UTRN: variants seen among roughly 807,000 people sequenced by gnomAD.
The protein encoded by UTRN is utrophin, also known as dystrophin-related protein 1.
In UTRN, 283 loss-of-function variants were observed where a neutral mutation model predicts 463.9. The ratio of observed to expected loss-of-function variants is 0.61; its 90% CI spans 0.55 to 0.67. The LOEUF is 0.67. Among genes scored for constraint, UTRN ranks in the 30% least tolerant of loss-of-function variants. The pLI is 0.00. For missense variants in UTRN, 3,922 were observed against 4,084.3 expected (o/e 0.96, Z 1.08); for synonymous variants, 1,442 against 1,431.5 (o/e 1.01, Z -0.17).
intron 69 of UTRN, among the ~76,000 whole-genome samples, chr6:144,834,741 C>T (rs1459798916): frequency 1.3e-5 from 2 of 152,208 alleles, no homozygotes; most frequent in East Asian, 3.9e-4. Flanking sequence ...TGCTGTCTGA[C>T]TCCAGAGTAA....
At chr6:144,751,716 G>T in intron 55 of UTRN, 90 bp from the exon 56 acceptor site, 1 of 1,268,758 alleles carries the variant, frequency 7.9e-7, no homozygotes, top group Non-Finnish European at 1.1e-6. Flanking sequence ...GTGAACCCAT[G>T]CAGTTCAGAC....
At chr6:144,317,329 G>C (rs1398020121) in intron 2 of UTRN, among the ~76,000 whole-genome samples, 1 of 152,148 alleles carries the variant, frequency 6.6e-6, no homozygotes, top group African/African-American at 2.4e-5. Flanking sequence ...AAAAAAGAGA[G>C]ATTGCAGGAA....
chr6:144,409,681 A>G (rs1783712222), intron 3 of UTRN, among the ~76,000 whole-genome samples: 1 of 152,174 alleles, frequency 6.6e-6, no homozygotes, highest in Non-Finnish European at 1.5e-5. Flanking sequence ...ACCCATTTCC[A>G]GCTGTATCTG....
intron 46 of UTRN, among the ~76,000 whole-genome samples, chr6:144,546,791 A>T (rs570698000): frequency 6.6e-6 from 1 of 152,078 alleles, no homozygotes; most frequent in Non-Finnish European, 1.5e-5. Flanking sequence ...CCTGGGTGAC[A>T]GAGTGAGCCC....
At position 144,413,448 on chromosome 6, in the gene UTRN, TGGCGTCA is replaced by T. The variant is rs200293094; in HGVS notation, c.142-8426_142-8420del. Among the ~76,000 whole-genome samples, 1,501 of 152,290 alleles carry T rather than the reference TGGCGTCA, an allele frequency of 9.9e-3. 10 individuals carry two copies. The highest frequency in any genetic ancestry group is 0.017 in the Middle Eastern group (5 of 294). On this transcript the variant is annotated intron_variant, in intron 3 of 74. Transcript: ENST00000367545. ...AGGAGGAGCAAAGTCACGTCTTGCA[TGGCGTCA>T]GGCAAGAGAGAGAGCATGTGCAGGG...
At chr6:144,793,567 G>A (rs903107674) in intron 62 of UTRN, among the ~76,000 whole-genome samples, 2 of 152,108 alleles carry the variant, frequency 1.3e-5, no homozygotes, top group Non-Finnish European at 2.9e-5. Context: ...TATTATATAT[G>A]CATGATTTAT....
intron 54 of UTRN, among the ~76,000 whole-genome samples, chr6:144,745,398 G>A (rs1284716376): frequency 6.6e-6 from 1 of 152,004 alleles, no homozygotes; most frequent in Non-Finnish European, 1.5e-5. Flanking sequence ...CTTCTAGAAA[G>A]TTTTTGTTTT....
intron 58 of UTRN, among the ~76,000 whole-genome samples, chr6:144,759,232 G>C (rs1325254953): frequency 1.3e-5 from 2 of 152,052 alleles, no homozygotes; most frequent in African/African-American, 2.4e-5. Flanking sequence ...CAATTGATTG[G>C]TGTCAAATTT....
rs796791311 is a variant in UTRN, at chr6:144,732,255, T to C, written c.7939+1769T>C. Among the ~76,000 whole-genome samples the C allele has an allele frequency of 1.3e-3, 131 of 99,970 alleles. 3 individuals carry two copies. In the East Asian group the frequency reaches 0.038, roughly 29 times the overall value. The allele number at this position is 99,970 out of a possible 152,430, so 65.6% of individuals were successfully genotyped here. On this transcript the variant is annotated intron_variant, in intron 54 of 74. Transcript: ENST00000367545. ...ATATATATACATATATATATATATA[T>C]ATACACACATATATATATATATACA...
intron 2 of UTRN, among the ~76,000 whole-genome samples, chr6:144,306,970 C>G (rs1300328166): frequency 1.3e-5 from 2 of 150,856 alleles, no homozygotes; most frequent in African/African-American, 4.9e-5. Context: ...GAGGCTAAGG[C>G]ATGGGAATAA....
At chr6:144,526,382 A>G (rs1010828438) in intron 41 of UTRN, among the ~76,000 whole-genome samples, 1 of 152,148 alleles carries the variant, frequency 6.6e-6, no homozygotes, top group African/African-American at 2.4e-5. Context: ...AGGTGCATAT[A>G]TATTTAGGAT....
intron 25 of UTRN, among the ~76,000 whole-genome samples, chr6:144,475,334 C>T (rs373810875): frequency 6.6e-6 from 1 of 152,024 alleles, no homozygotes; most frequent in African/African-American, 2.4e-5. Context: ...AACATTCAGG[C>T]GTGGAGAATA....
chr6:144,557,827 C>G (rs994715750), intron 50 of UTRN, among the ~76,000 whole-genome samples: 4 of 152,046 alleles, frequency 2.6e-5, no homozygotes, highest in African/African-American at 9.7e-5. Flanking sequence ...TTTGTCTAGT[C>G]AGAGTATTTG....
chr6:144,421,464 C>T (rs1441526618), intron 3 of UTRN, among the ~76,000 whole-genome samples: 9 of 151,730 alleles, frequency 5.9e-5, no homozygotes, highest in Non-Finnish European at 1.0e-4. Flanking sequence ...CCGAGGTGGG[C>T]GGATCATGAG....
chr6:144,804,779 C>T (rs537423476), intron 65 of UTRN, among the ~76,000 whole-genome samples: 52 of 152,250 alleles, frequency 3.4e-4, no homozygotes, highest in African/African-American at 1.2e-3. Context: ...GAAAGACACT[C>T]CTGAGTTGTT....
chr6:144,784,982 AAC>A (rs1431961295), intron 61 of UTRN, among the ~76,000 whole-genome samples: 1 of 152,230 alleles, frequency 6.6e-6, no homozygotes, highest in African/African-American at 2.4e-5. Flanking sequence ...CTATGGAAAA[AAC>A]AGTTATTCTT....
At chr6:144,774,407 G>A (rs753203609) in intron 60 of UTRN, 43 bp downstream of exon 60, 8 of 1,465,028 alleles carry the variant, frequency 5.5e-6, no homozygotes, top group East Asian at 2.6e-5. Flanking sequence ...TACTTGAATT[G>A]CGTTTTTTTT....
intron 2 of UTRN, among the ~76,000 whole-genome samples, chr6:144,322,220 T>C (rs759644887): frequency 5.9e-5 from 9 of 152,228 alleles, no homozygotes; most frequent in Non-Finnish European, 1.3e-4. Flanking sequence ...TGGTTTCTTT[T>C]GTTTACCTTG....
Position 144,839,112 on chromosome 6 carries a change from A to G in UTRN, c.10066-61A>G. On this transcript the variant is annotated intron_variant, in intron 71 of 74. Coordinates refer to ENST00000367545, the MANE Select transcript of UTRN (RefSeq NM_007124.3). ...TGAGGGCGGGGAAGTTAAAAAGGAA[A>G]TGTTTTTCCTTATGATTATTTGAAT... 2.2e-6 allele frequency: 3 copies of G among 1,349,008 alleles called. No homozygotes were observed. The South Asian group carries it at 3.6e-5, about 16-fold the overall frequency. 83.6% of individuals were successfully genotyped at this position (1,349,008 alleles called of 1,614,324 possible). A position where few individuals can be genotyped will look rare whatever the true frequency, so the allele number is the denominator to read the frequency against.
Sources: gnomAD v4.1 joint callset for allele counts (sites outside exome capture counted in the v4.1 genomes callset) on GRCh38, gnomAD v4.1.1 for gene constraint, MANE v1.5 for transcripts, NCBI Gene and HGNC (gene_info 2026-07-23, HGNC 2026-07-21) for gene names.